The following CWC27 variants were observed in gnomAD, a reference collection of about 807,000 sequenced individuals.
CWC27 encodes the protein CWC27 spliceosome associated cyclophilin.
Under a neutral mutation model 63.6 loss-of-function variants are expected in CWC27, and 47 were observed. The observed-to-expected ratio is 0.74, with a 90% CI of 0.58 to 0.94. The LOEUF is 0.94. Ranked by LOEUF, CWC27 falls within the 40% of genes least tolerant of loss-of-function variation. The pLI, the probability that CWC27 is intolerant of heterozygous loss-of-function variation, is 0.00. For synonymous variants in CWC27, 175 were observed against 179.8 expected, an observed-to-expected ratio of 0.97 and a Z score of 0.22; for missense variants, 495 against 554.3, an observed-to-expected ratio of 0.89 and a Z score of 1.07.
chr5:65,018,156 T>G lies in CWC27; in HGVS notation c.1257-3T>G, dbSNP rs766777916. 1 of 1,585,912 alleles carries G rather than the reference T, an allele frequency of 6.3e-7. No homozygotes were observed. Among genetic ancestry groups the G allele is most frequent in the South Asian group, 1.2e-5 (1 of 84,818 alleles). ...TCACTGAACCATCTCTCTCCCTATT[T>G]AGGATGTCACATGTACTTCAGTTTG... On this transcript the variant is annotated splice_region_variant and splice_polypyrimidine_tract_variant and intron_variant, in intron 13 of 13. Coordinates refer to ENST00000381070, the MANE Select transcript of CWC27 (RefSeq NM_005869.4).
At chr5:64,924,220 A>C (rs2112393963) in intron 11 of CWC27, among the ~76,000 whole-genome samples, 1 of 151,788 alleles carries the variant, frequency 6.6e-6, no homozygotes, top group South Asian at 2.1e-4. Context: ...ATTTACTTGA[A>C]CTCTCTGAAC....
At chr5:64,938,419 G>A (rs1005010234) in intron 11 of CWC27, among the ~76,000 whole-genome samples, 6 of 152,184 alleles carry the variant, frequency 3.9e-5, no homozygotes, top group Non-Finnish European at 7.3e-5. Flanking sequence ...CCTTAAGAAT[G>A]TTGAATATTG....
chr5:64,838,200 T>C (rs1367590269), intron 10 of CWC27, among the ~76,000 whole-genome samples: 1 of 152,186 alleles, frequency 6.6e-6, no homozygotes, highest in Non-Finnish European at 1.5e-5. Flanking sequence ...GAGGAGAACA[T>C]ATACACATAC....
intron 11 of CWC27, among the ~76,000 whole-genome samples, chr5:64,887,385 T>TA (rs1484850319): frequency 6.6e-6 from 1 of 152,152 alleles, no homozygotes; most frequent in African/African-American, 2.4e-5. Flanking sequence ...ACTTATTTTT[T>TA]GAGATGGAGT....
At chr5:64,946,612 A>C (rs911271578) in intron 11 of CWC27, among the ~76,000 whole-genome samples, 1 of 152,132 alleles carries the variant, frequency 6.6e-6, no homozygotes, top group Admixed American at 6.6e-5. Flanking sequence ...AAGGCAGATG[A>C]GTTATTCATC....
At chr5:64,947,675 C>A (rs1046875117) in intron 11 of CWC27, among the ~76,000 whole-genome samples, 1 of 152,038 alleles carries the variant, frequency 6.6e-6, no homozygotes, top group Non-Finnish European at 1.5e-5. Context: ...TCAGCTCATT[C>A]AGCATAATGG....
chr5:64,769,544 C>T (rs752117066), intron 1 of CWC27, among the ~76,000 whole-genome samples: 1 of 152,148 alleles, frequency 6.6e-6, no homozygotes, highest in Non-Finnish European at 1.5e-5. Flanking sequence ...CTTCTACAAT[C>T]ATTAATTGAA....
At chr5:64,837,553 G>C (rs930272919) in intron 10 of CWC27, among the ~76,000 whole-genome samples, 1 of 150,974 alleles carries the variant, frequency 6.6e-6, no homozygotes, top group Non-Finnish European at 1.5e-5. Flanking sequence ...TAAAGTTACT[G>C]GGTTTAATAT....
chr5:64,905,314 CAT>C (rs1747609291), intron 11 of CWC27, among the ~76,000 whole-genome samples: 1 of 149,818 alleles, frequency 6.7e-6, no homozygotes, highest in South Asian at 2.1e-4. Flanking sequence ...TTAATAGGAA[CAT>C]GTTACTTACC....
chr5:64,834,664 T>C (rs1385306593), intron 10 of CWC27, among the ~76,000 whole-genome samples: 1 of 151,784 alleles, frequency 6.6e-6, no homozygotes, highest in Non-Finnish European at 1.5e-5. Context: ...TTTCTGCTGT[T>C]TGTTTCTGTT....
chr5:64,878,240 A>G (rs1300946613), intron 10 of CWC27, among the ~76,000 whole-genome samples: 1 of 151,730 alleles, frequency 6.6e-6, no homozygotes, highest in Non-Finnish European at 1.5e-5. Flanking sequence ...ATCATTTGGA[A>G]TGCTATAAGT....
chr5:64,786,409 T>C (rs1743887163), intron 5 of CWC27, 115 bp from the exon 6 acceptor site: 3 of 559,026 alleles, frequency 5.4e-6, no homozygotes, highest in Admixed American at 7.7e-5. Flanking sequence ...ACTATACTAA[T>C]AATGTTTATG....
At chr5:64,936,917 T>C (rs1467369970) in intron 11 of CWC27, among the ~76,000 whole-genome samples, 3 of 152,202 alleles carry the variant, frequency 2.0e-5, no homozygotes, top group Non-Finnish European at 4.4e-5. Context: ...CTGATGGTAG[T>C]TTGTATTTCT....
chr5:64,861,186 G>A (rs1025568989), intron 10 of CWC27, among the ~76,000 whole-genome samples: 13 of 151,736 alleles, frequency 8.6e-5, no homozygotes, highest in Admixed American at 2.6e-4. Flanking sequence ...TGGTGGTCTC[G>A]GTTTCTAAGA....
In CWC27 at chr5:64,862,894, T is replaced by A. The variant is rs191644714; in HGVS notation, c.939-22549T>A. ...TGGTTCATAGATGGCCATCTTCTCATTGTGTCCTCATGTGGTGGACAGGAT... is the reference window on the plus strand; with the variant it reads ...TGGTTCATAGATGGCCATCTTCTCAATGTGTCCTCATGTGGTGGACAGGAT... On this transcript the variant is annotated intron_variant, in intron 10 of 13. Transcript: ENST00000381070. Among the ~76,000 whole-genome samples, 29 of 152,256 alleles carry A rather than the reference T, an allele frequency of 1.9e-4. No individual in the cohort carries two copies. The East Asian group carries it at 5.0e-3, about 26-fold the overall frequency.
chr5:64,978,626 G>A (rs1749275550), intron 13 of CWC27, among the ~76,000 whole-genome samples: 1 of 148,284 alleles, frequency 6.7e-6, no homozygotes, highest in East Asian at 2.0e-4. Context: ...TTTTTTGGCG[G>A]TGGGGGGGAT....
chr5:64,851,735 C>G (rs957721540), intron 10 of CWC27, among the ~76,000 whole-genome samples: 1 of 152,008 alleles, frequency 6.6e-6, no homozygotes, highest in African/African-American at 2.4e-5. Context: ...TCAAACTTAG[C>G]TATATGATTT....
intron 11 of CWC27, among the ~76,000 whole-genome samples, chr5:64,899,241 CTA>C (rs928760793): frequency 2.0e-5 from 3 of 152,214 alleles, no homozygotes; most frequent in African/African-American, 7.2e-5. Flanking sequence ...AGTATCTGAG[CTA>C]TGTTTTGAGA....
chr5:64,796,159 T>C (rs974431269), intron 7 of CWC27, among the ~76,000 whole-genome samples: 8 of 151,972 alleles, frequency 5.3e-5, no homozygotes, highest in Non-Finnish European at 1.2e-4. Flanking sequence ...CTTTTTTAAC[T>C]AATAAGTTTT....
Sources: allele counts gnomAD v4.1 joint callset (sites outside exome capture counted in the v4.1 genomes callset), GRCh38; gene constraint gnomAD v4.1.1; transcripts MANE v1.5; gene names NCBI Gene and HGNC (gene_info 2026-07-23, HGNC 2026-07-21).